The following UTP20 variants were observed in gnomAD, a reference collection of about 807,000 sequenced individuals.
UTP20 encodes the protein small subunit processome component 20 homolog.
A neutral mutation model predicts 329.5 loss-of-function variants in UTP20; 164 were observed. The observed-to-expected ratio is 0.50, with a 90% CI of 0.44 to 0.57. The LOEUF is 0.57. Ranked by LOEUF, UTP20 falls within the 20% of genes least tolerant of loss-of-function variation. The probability of loss-of-function intolerance (pLI) is 0.00; values close to 1 mark genes in which losing one functional copy is unlikely to be tolerated. For missense variants in UTP20, 3,055 were observed against 3,284.2 expected (o/e 0.93, Z 1.71); for synonymous variants, 1,151 against 1,159.3 (o/e 0.99, Z 0.14).
rs367594344 is a variant in UTP20 at position 101,310,393 on chromosome 12, T to G, written c.2231+554T>G. On this transcript the variant is annotated intron_variant, in intron 19 of 61. Transcript: ENST00000261637. Reference sequence around the variant, plus strand: ...GAGTTCGAGACCAGCCTGACCAACATGGAGAAACACCATTTCTACTAAAAA... The same window carrying G: ...GAGTTCGAGACCAGCCTGACCAACAGGGAGAAACACCATTTCTACTAAAAA... 5.6e-4 allele frequency among the ~76,000 whole-genome samples: 85 copies of G among 151,864 alleles called. 2 individuals carry two copies. Among genetic ancestry groups the G allele is most frequent in the African/African-American group, 2.0e-3 (82 of 41,362 alleles).
intron 19 of UTP20, among the ~76,000 whole-genome samples, chr12:101,310,776 A>G (rs1872767220): frequency 6.6e-6 from 1 of 152,084 alleles, no homozygotes; most frequent in Non-Finnish European, 1.5e-5. Context: ...ATTTATAGAC[A>G]GATCCCTTTA....
chr12:101,353,673 T>C (rs1869617598), intron 40 of UTP20, among the ~76,000 whole-genome samples: 1 of 152,070 alleles, frequency 6.6e-6, no homozygotes. Flanking sequence ...CACTGCCTTC[T>C]GGCTTGGGTG....
At chr12:101,377,421 C>T (rs1870510987) in intron 56 of UTP20, among the ~76,000 whole-genome samples, 1 of 152,028 alleles carries the variant, frequency 6.6e-6, no homozygotes, top group African/African-American at 2.4e-5. Flanking sequence ...ACCTTTGCCT[C>T]CCGGGTTCAA....
intron 15 of UTP20, among the ~76,000 whole-genome samples, chr12:101,303,966 C>A (rs555318387): frequency 6.6e-6 from 1 of 152,312 alleles, no homozygotes; most frequent in Non-Finnish European, 1.5e-5. Flanking sequence ...TCTGTTTAAA[C>A]TTCTCATACT....
In UTP20 at chr12:101,367,087, C is replaced by T. The variant is rs367678509; in HGVS notation, c.6267+388C>T. Among the ~76,000 whole-genome samples, 35 of 151,898 alleles carry T rather than the reference C, an allele frequency of 2.3e-4. No individual in the cohort carries two copies. The East Asian group carries it at 2.7e-3, about 12-fold the overall frequency. On this transcript the variant is annotated intron_variant, in intron 47 of 61. Coordinates refer to ENST00000261637, the MANE Select transcript of UTP20 (RefSeq NM_014503.3). The stretch of plus-strand genomic sequence containing the variant: ...TTGAGGAGAGGAGTCTGAAACCAGC[C>T]TGGGCAACATAGCAAGACTCTATCT...
At chr12:101,368,709 C>T (rs1331524050) in intron 48 of UTP20, among the ~76,000 whole-genome samples, 1 of 152,114 alleles carries the variant, frequency 6.6e-6, no homozygotes, top group Admixed American at 6.6e-5. Context: ...CACAACCACC[C>T]CTGAGGCATA....
chr12:101,295,336 T>A (rs1329153799), intron 11 of UTP20, 144 bp from the exon 12 acceptor site: 1 of 700,828 alleles, frequency 1.4e-6, no homozygotes. Flanking sequence ...GGCTGCACAG[T>A]CTTTAGTTTC....
intron 7 of UTP20, 130 bp downstream of exon 7, chr12:101,290,404 T>C: frequency 9.0e-7 from 1 of 1,112,160 alleles, no homozygotes; most frequent in Non-Finnish European, 1.2e-6. Flanking sequence ...TGTTGGGTGT[T>C]CAGTAACAAT....
Position 101,383,319 on chromosome 12 carries a change from A to G in UTP20, c.7929+6A>G, listed in dbSNP as rs1406741445. ...CGCCGAGAAACCCCTTAAAGGTGCGATGAATGCACAGAATGACTGACAGTA... is the reference window on the plus strand; with the variant it reads ...CGCCGAGAAACCCCTTAAAGGTGCGGTGAATGCACAGAATGACTGACAGTA... On this transcript the variant is annotated splice_donor_region_variant and intron_variant, in intron 59 of 61. Coordinates refer to ENST00000261637, the MANE Select transcript of UTP20 (RefSeq NM_014503.3). The G allele has an allele frequency of 3.7e-6, 6 of 1,610,060 alleles. No homozygotes were observed. The highest frequency in any genetic ancestry group is 4.2e-6 in the Non-Finnish European group (5 of 1,178,170).
chr12:101,363,286 ACTGT>A (rs1456397828), intron 44 of UTP20, among the ~76,000 whole-genome samples: 2 of 152,258 alleles, frequency 1.3e-5, no homozygotes, highest in Non-Finnish European at 2.9e-5. Context: ...AAAAGAAGTA[ACTGT>A]CTGTAAAGTC....
In UTP20 at chr12:101,286,519, TTC is replaced by T; in HGVS notation, c.515+18_515+19del. The T allele has an allele frequency of 1.3e-6, 2 of 1,546,622 alleles. No homozygotes were observed. The highest frequency in any genetic ancestry group is 1.3e-5 in the South Asian group (1 of 78,760). On this transcript the variant is annotated intron_variant, in intron 5 of 61. Transcript: ENST00000261637. ...TGTCCAGTATATACAGGTAACCCCTTTCTCTCTCTAGTATGTTTTTTAATTGC... is the reference window on the plus strand; with the variant it reads ...TGTCCAGTATATACAGGTAACCCCTTTCTCTCTAGTATGTTTTTTAATTGC...
chr12:101,356,100 G>T lies in UTP20; in HGVS notation c.5395-454G>T, dbSNP rs532436100. 4.1e-4 allele frequency among the ~76,000 whole-genome samples: 62 copies of T among 152,274 alleles called. No individual in the cohort carries two copies. The South Asian group carries it at 0.011, about 28-fold the overall frequency. On this transcript the variant is annotated intron_variant, in intron 41 of 61. Transcript: ENST00000261637. Reference sequence around the variant, plus strand: ...TAAATAAACTTAGAAATGGGCTTAAGATCTATAGAAAGAGCTGTTTTTCTT... The same window carrying T: ...TAAATAAACTTAGAAATGGGCTTAATATCTATAGAAAGAGCTGTTTTTCTT...
rs372360583 is a variant in UTP20, at chr12:101,383,086, G to A, written c.7702G>A (p.Glu2568Lys). Residue 2568 changes from glutamate to lysine, a missense_variant, in exon 59 of 62, where the codon GAA becomes AAA. Physicochemically the swap from Glu to Lys is moderately conservative, Grantham distance 56. This residue lies in a region of UTP20 where 337 missense variants were observed against 345.5 expected (regional missense o/e 0.98). Coordinates refer to ENST00000261637, the MANE Select transcript of UTP20 (RefSeq NM_014503.3). ...LFAAKVLYLL[E>K]LYCEDKQSKI... ...CGCAGCCAAAGTCTTGTATTTACTG[G>A]AACTTTATTGTGAGGATAAGCAAAG... The A allele has an allele frequency of 5.0e-6, 8 of 1,611,576 alleles. No homozygotes were observed. The highest frequency in any genetic ancestry group is 6.8e-6 in the Non-Finnish European group (8 of 1,179,362).
chr12:101,342,599 ATTCATTT>A lies in UTP20; in HGVS notation c.4245+13_4245+19del, dbSNP rs1869176620. On this transcript the variant is annotated intron_variant, in intron 33 of 61. Coordinates refer to ENST00000261637, the MANE Select transcript of UTP20 (RefSeq NM_014503.3). ...TTGTACGGTTTTTGAGGTCTGTACT[ATTCATTT>A]TTACTCCAAATCACCCTTTTAAAAA... The A allele has an allele frequency of 1.3e-6, 2 of 1,597,976 alleles. No individual in the cohort carries two copies. Among genetic ancestry groups the A allele is most frequent in the Non-Finnish European group, 1.7e-6 (2 of 1,175,370 alleles).
intron 18 of UTP20, among the ~76,000 whole-genome samples, chr12:101,308,876 G>A (rs1322682199): frequency 1.3e-5 from 2 of 152,180 alleles, no homozygotes; most frequent in East Asian, 3.9e-4. Flanking sequence ...GGAACTACAG[G>A]TGCATGCCAC....
Position 101,370,626 on chromosome 12 carries a change from A to C in UTP20, c.6687+63A>C, listed in dbSNP as rs1243466756. The C allele has an allele frequency of 2.0e-6, 3 of 1,533,348 alleles. No individual in the cohort carries two copies. In the Admixed American group the frequency reaches 5.7e-5, roughly 29 times the overall value. The allele number at this position is 1,533,348 out of a possible 1,614,324, so 95.0% of individuals were successfully genotyped here. ...GAGTTTCACAGCAGATATTTTGAAC[A>C]CATAGATCATAGTGTTTTGACTAGT... On this transcript the variant is annotated intron_variant, in intron 50 of 61. Coordinates refer to ENST00000261637, the MANE Select transcript of UTP20 (RefSeq NM_014503.3).
chr12:101,363,828 A>G (rs1318758248), intron 45 of UTP20, 85 bp downstream of exon 45: 3 of 876,958 alleles, frequency 3.4e-6, no homozygotes, highest in Admixed American at 4.0e-5. Flanking sequence ...AAACTGAAAC[A>G]CTGTTCTTGA....
At chr12:101,382,018 CAAAAAAAA>C (rs756789889) in intron 58 of UTP20, among the ~76,000 whole-genome samples, 3 of 107,322 alleles carry the variant, frequency 2.8e-5, no homozygotes, top group Non-Finnish European at 5.2e-5. Flanking sequence ...GACTCTGTAT[CAAAAAAAA>C]AAAAAAAAAA....
intron 38 of UTP20, among the ~76,000 whole-genome samples, chr12:101,349,285 G>C (rs1489614472): frequency 6.6e-6 from 1 of 151,232 alleles, no homozygotes; most frequent in African/African-American, 2.4e-5. Context: ...TTTACCTTTG[G>C]TTTTAAGCCA....
Sources: gnomAD v4.1 joint callset for allele counts (sites outside exome capture counted in the v4.1 genomes callset) on GRCh38, gnomAD v4.1.1 for gene constraint, gnomAD v4.1.1 regional missense constraint, MANE v1.5 for transcripts, NCBI Gene and HGNC (gene_info 2026-07-23, HGNC 2026-07-21) for gene names.